RCOR1: variants seen among roughly 807,000 people sequenced by gnomAD.
The protein encoded by RCOR1 is REST corepressor 1, also known as REST corepressor.
A neutral mutation model predicts 64.0 loss-of-function variants in RCOR1; 12 were observed. The observed-to-expected ratio is 0.19, with a 90% CI of 0.12 to 0.30. The LOEUF is 0.30. RCOR1 is among the 10% of genes least tolerant of loss of function. The probability of loss-of-function intolerance (pLI) is 1.00; values close to 1 mark genes in which losing one functional copy is unlikely to be tolerated. For synonymous variants in RCOR1, 279 were observed against 227.2 expected (o/e 1.23, Z -2.05); for missense variants, 502 against 621.2 (o/e 0.81, Z 2.04).
intron 2 of RCOR1, among the ~76,000 whole-genome samples, chr14:102,665,486 C>G (rs1402780442): frequency 6.6e-6 from 1 of 152,104 alleles, no homozygotes; most frequent in East Asian, 1.9e-4. Context: ...ATACATTTAT[C>G]AGGACTAACA....
chr14:102,642,495 A>T (rs1894389203), intron 2 of RCOR1, among the ~76,000 whole-genome samples: 1 of 152,188 alleles, frequency 6.6e-6, no homozygotes, highest in Admixed American at 6.6e-5. Context: ...TTTATAAAAA[A>T]GTCTTAGGCC....
At chr14:102,614,831 A>G (rs1893718503) in intron 2 of RCOR1, among the ~76,000 whole-genome samples, 1 of 151,698 alleles carries the variant, frequency 6.6e-6, no homozygotes, top group Admixed American at 6.6e-5. Context: ...TAATTTCTGA[A>G]TAATTTTTTT....
chr14:102,702,475 A>G (rs912184289), intron 4 of RCOR1, among the ~76,000 whole-genome samples: 1 of 149,852 alleles, frequency 6.7e-6, no homozygotes, highest in East Asian at 1.9e-4. Flanking sequence ...TTTATATATC[A>G]TATATATAAC....
chr14:102,610,516 T>C (rs2139889018), intron 2 of RCOR1, among the ~76,000 whole-genome samples: 1 of 152,282 alleles, frequency 6.6e-6, no homozygotes, highest in African/African-American at 2.4e-5. Flanking sequence ...GGCAATGATC[T>C]AGACATTTTG....
intron 7 of RCOR1, among the ~76,000 whole-genome samples, chr14:102,712,193 T>TTTTATATTTA (rs1895975059): frequency 6.6e-6 from 1 of 151,986 alleles, no homozygotes; most frequent in Non-Finnish European, 1.5e-5. Flanking sequence ...TTTTTTTATT[T>TTTTATATTTA]TGTTTTTGAG....
At chr14:102,689,469 G>A (rs2139968058) in intron 3 of RCOR1, among the ~76,000 whole-genome samples, 1 of 152,216 alleles carries the variant, frequency 6.6e-6, no homozygotes, top group Non-Finnish European at 1.5e-5. Context: ...TTCCCAGAAG[G>A]AGCAAATTTC....
At position 102,722,089 on chromosome 14, in the gene RCOR1, G is replaced by A. The variant is rs960206677; in HGVS notation, c.1190-98G>A. 4.7e-6 allele frequency: 4 copies of A among 844,928 alleles called. No individual in the cohort carries two copies. In the Admixed American group the frequency reaches 1.0e-4, roughly 21 times the overall value. 52.3% of individuals were successfully genotyped at this position (844,928 alleles called of 1,614,324 possible). On this transcript the variant is annotated intron_variant, in intron 10 of 11. Coordinates refer to ENST00000262241, the MANE Select transcript of RCOR1 (RefSeq NM_015156.4). Reference sequence around the variant, plus strand: ...AATTATTGCCTGCTGTTAAAAGCCTGTATGTTTTCTTATCTGGATAAAGAG... The same window carrying A: ...AATTATTGCCTGCTGTTAAAAGCCTATATGTTTTCTTATCTGGATAAAGAG...
chr14:102,721,669 C>T (rs900225524), intron 10 of RCOR1: 1 of 272,662 alleles, frequency 3.7e-6, no homozygotes, highest in Admixed American at 4.8e-5. Flanking sequence ...CAATTATGTC[C>T]TAGTGGATAT....
At chr14:102,616,204 ATATGTGTGTGTGTGTGTGTGTGTGTG>A (rs1192992371) in intron 2 of RCOR1, among the ~76,000 whole-genome samples, 2 of 128,690 alleles carry the variant, frequency 1.6e-5, no homozygotes, top group South Asian at 2.7e-4. Flanking sequence ...ATACATGTGT[ATATGTGTGTGTGTGTGTGTGTGTGTG>A]TGTGTGTGTG....
intron 2 of RCOR1, among the ~76,000 whole-genome samples, chr14:102,644,187 C>T (rs1894431610): frequency 6.6e-6 from 1 of 152,180 alleles, no homozygotes; most frequent in South Asian, 2.1e-4. Context: ...ATTTGTGCTC[C>T]TCACAACATT....
chr14:102,631,904 G>A (rs767300061), intron 2 of RCOR1, among the ~76,000 whole-genome samples: 14 of 151,804 alleles, frequency 9.2e-5, no homozygotes, highest in African/African-American at 2.9e-4. Context: ...GGGTTCAAGC[G>A]ATTCTCCTGC....
chr14:102,704,676 C>CA (rs1895814496), intron 4 of RCOR1, among the ~76,000 whole-genome samples: 1 of 152,232 alleles, frequency 6.6e-6, no homozygotes, highest in Admixed American at 6.5e-5. Context: ...GTGATCCACT[C>CA]ACGTCGGCCT....
intron 2 of RCOR1, among the ~76,000 whole-genome samples, chr14:102,594,086 C>T (rs904942594): frequency 6.6e-6 from 1 of 152,106 alleles, no homozygotes; most frequent in Non-Finnish European, 1.5e-5. Flanking sequence ...GGCTGCTATT[C>T]TGTGTAGAAG....
chr14:102,599,482 G>C (rs1893340352), intron 2 of RCOR1, among the ~76,000 whole-genome samples: 1 of 151,986 alleles, frequency 6.6e-6, no homozygotes, highest in East Asian at 1.9e-4. Flanking sequence ...ACACGTCCTT[G>C]GTGCTTCAGA....
intron 8 of RCOR1, among the ~76,000 whole-genome samples, chr14:102,715,572 G>A (rs543582331): frequency 6.6e-6 from 1 of 151,190 alleles, no homozygotes; most frequent in Non-Finnish European, 1.5e-5. Flanking sequence ...TGGTAGAGAC[G>A]GGGTTTTGCC....
Position 102,664,237 on chromosome 14 carries a change from C to G in RCOR1, c.362-17658C>G, listed in dbSNP as rs532677705. Among the ~76,000 whole-genome samples the G allele has an allele frequency of 5.3e-5, 8 of 152,262 alleles. No individual in the cohort carries two copies. The East Asian group carries it at 1.5e-3, about 29-fold the overall frequency. On this transcript the variant is annotated intron_variant, in intron 2 of 11. Coordinates refer to ENST00000262241, the MANE Select transcript of RCOR1 (RefSeq NM_015156.4). ...TCTCATCCCTCAGCCTCTCTAGTAG[C>G]TGGAATTGCAGGTGTGAGCCACCAC...
chr14:102,693,092 G>A (rs1466097372), intron 3 of RCOR1, among the ~76,000 whole-genome samples: 1 of 152,100 alleles, frequency 6.6e-6, no homozygotes, highest in Non-Finnish European at 1.5e-5. Flanking sequence ...ACATTTAGAT[G>A]TTCTTCTTTT....
chr14:102,621,138 T>A (rs1893862482), intron 2 of RCOR1, among the ~76,000 whole-genome samples: 1 of 152,142 alleles, frequency 6.6e-6, no homozygotes, highest in Non-Finnish European at 1.5e-5. Context: ...CCCAGCTAGT[T>A]TTTTAGAATT....
chr14:102,637,688 G>A (rs781337968), intron 2 of RCOR1, among the ~76,000 whole-genome samples: 1 of 152,086 alleles, frequency 6.6e-6, no homozygotes, highest in East Asian at 1.9e-4. Flanking sequence ...AGTTCAAAAC[G>A]ATTTGCCTGC....
Sources: allele counts gnomAD v4.1 joint callset (sites outside exome capture counted in the v4.1 genomes callset), GRCh38; gene constraint gnomAD v4.1.1; transcripts MANE v1.5; gene names NCBI Gene and HGNC (gene_info 2026-07-23, HGNC 2026-07-21).